PAK3: variants seen among roughly 807,000 people sequenced by gnomAD.
PAK3 encodes p21 (RAC1) activated kinase 3.
A neutral mutation model predicts 41.0 loss-of-function variants in PAK3; 4 were observed. That is an observed-to-expected ratio of 0.10 (90% CI 0.05 to 0.22). The LOEUF (loss-of-function observed/expected upper bound fraction) is 0.22. PAK3 is among the 10% of genes least tolerant of loss of function. The probability of loss-of-function intolerance (pLI) is 1.00; values close to 1 mark genes in which losing one functional copy is unlikely to be tolerated. For missense variants in PAK3, 205 were observed against 409.9 expected (o/e 0.50, Z 4.32); for synonymous variants, 146 against 139.6 (o/e 1.05, Z -0.32).
chrX:111,124,033 C>T (rs1483754552), intron 5 of PAK3, among the ~76,000 whole-genome samples: 1 of 111,781 alleles, frequency 8.9e-6, no homozygotes, highest in Non-Finnish European at 1.9e-5. Flanking sequence ...ACCATAGAAA[C>T]TTGTCAGAAG....
intron 5 of PAK3, among the ~76,000 whole-genome samples, chrX:111,141,823 C>T (rs971216124): frequency 8.9e-6 from 1 of 112,042 alleles, no homozygotes; most frequent in Non-Finnish European, 1.9e-5. Flanking sequence ...CTAGATATCT[C>T]CTGGTTACAC....
intron 1 of PAK3, among the ~76,000 whole-genome samples, chrX:111,084,956 C>A (rs924530707): frequency 3.6e-5 from 4 of 111,481 alleles, no homozygotes; most frequent in African/African-American, 1.3e-4. Flanking sequence ...TAGTCCATGT[C>A]TCTGGGCCGA....
At chrX:111,201,525 G>A (rs189194665) in intron 16 of PAK3, among the ~76,000 whole-genome samples, 2 of 111,453 alleles carry the variant, frequency 1.8e-5, no homozygotes, top group South Asian at 3.8e-4. Context: ...ACTATTGTGT[G>A]CTTTGAGGTG....
chrX:111,066,802 C>T (rs2092705295), intron 1 of PAK3, among the ~76,000 whole-genome samples: 1 of 112,341 alleles, frequency 8.9e-6, no homozygotes, highest in Non-Finnish European at 1.9e-5. Flanking sequence ...ATTCAATTCT[C>T]TTAACAACTC....
intron 1 of PAK3, among the ~76,000 whole-genome samples, chrX:110,962,345 G>C (rs984134096): frequency 9.0e-6 from 1 of 111,642 alleles, no homozygotes; most frequent in African/African-American, 3.3e-5. Flanking sequence ...TCCTCCCAAG[G>C]CTATCTCTAA....
chrX:111,168,290 G>T (rs1167006080), intron 10 of PAK3, among the ~76,000 whole-genome samples: 3 of 111,564 alleles, frequency 2.7e-5, no homozygotes, highest in Admixed American at 9.5e-5. Context: ...TCTTCTTTAG[G>T]AAGTTCTGGT....
chrX:111,198,773 T>C (rs1186586875), intron 16 of PAK3, among the ~76,000 whole-genome samples: 2 of 111,133 alleles, frequency 1.8e-5, no homozygotes, highest in Non-Finnish European at 3.8e-5. Flanking sequence ...GATGCCTCCA[T>C]CTTTGTTGTT....
At chrX:110,974,165 G>T (rs913006547) in intron 1 of PAK3, among the ~76,000 whole-genome samples, 2 of 110,966 alleles carry the variant, frequency 1.8e-5, no homozygotes, top group African/African-American at 6.6e-5. Context: ...TGAGACAGAA[G>T]GTTAACAAGG....
At chrX:110,960,078 C>T (rs886658973) in intron 1 of PAK3, among the ~76,000 whole-genome samples, 2 of 111,725 alleles carry the variant, frequency 1.8e-5, no homozygotes, top group African/African-American at 6.5e-5. Context: ...CTGCTTTTCT[C>T]CTGGAGGACT....
At chrX:110,966,406 T>C (rs2091082486) in intron 1 of PAK3, among the ~76,000 whole-genome samples, 1 of 110,222 alleles carries the variant, frequency 9.1e-6, no homozygotes, top group Admixed American at 9.7e-5. Flanking sequence ...ATTCACTTAT[T>C]ATGTGAAAGA....
intron 1 of PAK3, among the ~76,000 whole-genome samples, chrX:110,989,506 A>G (rs2091604894): frequency 8.9e-6 from 1 of 111,743 alleles, no homozygotes; most frequent in South Asian, 3.7e-4. Flanking sequence ...GTAATTTTTC[A>G]ATGTCGGTTA....
rs896130070 is a variant in PAK3 at position 111,096,195 on chromosome X, C to T, written c.-573C>T. 2 of 112,187 alleles carry T rather than the reference C, an allele frequency of 1.8e-5. No individual in the cohort carries two copies. The highest frequency in any genetic ancestry group is 6.5e-5 in the African/African-American group (2 of 30,820). 9.2% of individuals were successfully genotyped at this position (112,187 alleles called of 1,213,427 possible). ...CGGTTGCCGAGCAGGGGCTCTACCG[C>T]GGGCGGGCAGCTGTGCCAGCTAACC... On this transcript the variant is annotated 5_prime_UTR_variant, in exon 1 of 18. Transcript: ENST00000372007.
rs57999727 is a variant in PAK3 at position 111,179,011 on chromosome X, CTATATA to C, written c.830+5946_830+5951del. ...GAGAGATATCTGTATATCTATATATCTATATATATATATATATATATGGTTGAAAGT... is the reference window on the plus strand; with the variant it reads ...GAGAGATATCTGTATATCTATATATCTATATATATATATATGGTTGAAAGT... On this transcript the variant is annotated intron_variant, in intron 11 of 17. Coordinates refer to ENST00000372007, the MANE Select transcript of PAK3 (RefSeq NM_002578.5). 4.0e-4 allele frequency among the ~76,000 whole-genome samples: 36 copies of C among 89,815 alleles called. No homozygotes were observed. In the East Asian group the frequency reaches 0.011, roughly 28 times the overall value. 78.0% of individuals were successfully genotyped at this position (89,815 alleles called of 115,157 possible).
chrX:111,082,474 G>A (rs190458521), intron 1 of PAK3, among the ~76,000 whole-genome samples: 1 of 111,611 alleles, frequency 9.0e-6, no homozygotes, highest in Non-Finnish European at 1.9e-5. Flanking sequence ...GCTTCATGTA[G>A]ACACCAAGTG....
chrX:111,127,689 C>T (rs1325423570), intron 5 of PAK3, among the ~76,000 whole-genome samples: 2 of 111,339 alleles, frequency 1.8e-5, no homozygotes, highest in Non-Finnish European at 3.8e-5. Context: ...CTTTTGTTGG[C>T]TACTAGAAAG....
At chrX:111,000,493 T>A (rs2148686905) in intron 1 of PAK3, among the ~76,000 whole-genome samples, 1 of 111,915 alleles carries the variant, frequency 8.9e-6, no homozygotes, top group African/African-American at 3.2e-5. Context: ...CATCACAGAT[T>A]AGAGGAGGCT....
chrX:111,050,559 C>T (rs2092547597), intron 1 of PAK3, among the ~76,000 whole-genome samples: 1 of 112,154 alleles, frequency 8.9e-6, no homozygotes, highest in South Asian at 3.8e-4. Context: ...ATAATTTTTA[C>T]TCACTGCCAA....
intron 11 of PAK3, among the ~76,000 whole-genome samples, chrX:111,184,822 C>T (rs1350301253): frequency 2.7e-5 from 3 of 111,316 alleles, no homozygotes; most frequent in Non-Finnish European, 5.7e-5. Context: ...GGGTTGGTTC[C>T]AAGACTTTGC....
At chrX:111,026,391 T>C (rs1222448089) in intron 1 of PAK3, among the ~76,000 whole-genome samples, 2 of 111,279 alleles carry the variant, frequency 1.8e-5, no homozygotes, top group Non-Finnish European at 3.8e-5. Context: ...GATATGATTG[T>C]ATACCTAGAA....
Sources: gnomAD v4.1 joint callset for allele counts (sites outside exome capture counted in the v4.1 genomes callset) on GRCh38, gnomAD v4.1.1 for gene constraint, MANE v1.5 for transcripts, NCBI Gene and HGNC (gene_info 2026-07-23, HGNC 2026-07-21) for gene names.